The following TRPC4 variants were observed in gnomAD, a reference collection of about 807,000 sequenced individuals.
TRPC4 encodes the protein short transient receptor potential channel 4.
In TRPC4, 49 loss-of-function variants were observed where a neutral mutation model predicts 99.4. The observed-to-expected ratio is 0.49, with a 90% CI of 0.39 to 0.63. The LOEUF is 0.63. TRPC4 is among the 20% of genes least tolerant of loss of function. The probability of loss-of-function intolerance (pLI) is 0.00; values close to 1 mark genes in which losing one functional copy is unlikely to be tolerated. For missense variants in TRPC4, 898 were observed against 1,152.9 expected, an observed-to-expected ratio of 0.78 and a Z score of 3.20; for synonymous variants, 454 against 425.9, an observed-to-expected ratio of 1.07 and a Z score of -0.81.
intron 4 of TRPC4, among the ~76,000 whole-genome samples, chr13:37,687,803 C>T (rs1307059112): frequency 6.6e-6 from 1 of 152,100 alleles, no homozygotes; most frequent in East Asian, 1.9e-4. Flanking sequence ...ACTTTTTCTC[C>T]AGACACCCGA....
chr13:37,794,573 G>T (rs1173529396), intron 1 of TRPC4, among the ~76,000 whole-genome samples: 1 of 152,098 alleles, frequency 6.6e-6, no homozygotes. Flanking sequence ...ATAACCAGAT[G>T]GGTAGCTAAA....
intron 1 of TRPC4, among the ~76,000 whole-genome samples, chr13:37,788,176 G>A (rs1340669938): frequency 6.6e-6 from 1 of 152,064 alleles, no homozygotes; most frequent in Non-Finnish European, 1.5e-5. Context: ...TAATCTTGCT[G>A]TCTGAGCTTT....
At position 37,637,365 on chromosome 13, in the gene TRPC4, C is replaced by T. The variant is rs1593404418; in HGVS notation, c.2472G>A (p.Val824=). Residue 824 remains valine (V), a synonymous_variant, in exon 11 of 11, where the codon GTG becomes GTA. Transcript: ENST00000379705. ...RHNISNGSAL[V]VQEPPREKQR... ...GCTTCTCCCTGGGCGGCTCCTGAACCACCAGGGCAGAGCCATTGCTTATGT... is the reference window on the plus strand; with the variant it reads ...GCTTCTCCCTGGGCGGCTCCTGAACTACCAGGGCAGAGCCATTGCTTATGT... 7 of 1,613,722 alleles carry T rather than the reference C, an allele frequency of 4.3e-6. No individual in the cohort carries two copies. Among genetic ancestry groups the T allele is most frequent in the Non-Finnish European group, 5.9e-6 (7 of 1,179,880 alleles).
intron 3 of TRPC4, among the ~76,000 whole-genome samples, chr13:37,737,646 C>T (rs1924300): frequency 0.4 from 61,196 of 151,698 alleles, 13,179 homozygotes; most frequent in Non-Finnish European, 0.49. Context: ...GCTAAATTTT[C>T]TTTTCTTTGT....
chr13:37,869,220 T>C (rs1292460059), intron 1 of TRPC4, among the ~76,000 whole-genome samples: 2 of 151,792 alleles, frequency 1.3e-5, no homozygotes, highest in Admixed American at 6.6e-5. Flanking sequence ...CCCAAATGCA[T>C]AAAAGGCTAA....
chr13:37,773,668 C>T (rs549911166), intron 2 of TRPC4, among the ~76,000 whole-genome samples: 1 of 151,810 alleles, frequency 6.6e-6, no homozygotes, highest in East Asian at 2.0e-4. Flanking sequence ...AATGAAAGAA[C>T]TTACCACAAG....
At chr13:37,830,819 AT>A (rs1958401534) in intron 1 of TRPC4, among the ~76,000 whole-genome samples, 1 of 148,026 alleles carries the variant, frequency 6.8e-6, no homozygotes, top group African/African-American at 2.5e-5. Flanking sequence ...ATATATATAT[AT>A]AATATAATAG....
rs999340840 is a variant in TRPC4, at chr13:37,757,955, T to C, written c.379-11500A>G. Among the ~76,000 whole-genome samples the C allele has an allele frequency of 2.4e-4, 37 of 152,114 alleles. No homozygotes were observed. The South Asian group carries it at 2.5e-3, about 10-fold the overall frequency. On this transcript the variant is annotated intron_variant, in intron 2 of 10. Coordinates refer to ENST00000379705, the MANE Select transcript of TRPC4 (RefSeq NM_016179.4). ...GGAAATTTTCTAAAAAATAGCACTT[T>C]ATTTTACTGAGTCTCTTAGGTACAA...
rs1300633868 is a variant in TRPC4, at chr13:37,869,677, G to C, written c.-110C>G. ...TGCCGTGCGGGGTGAGAGCACGCCCGGCAAATTCCAATGGAATTCCCTTAG... is the reference window on the plus strand; with the variant it reads ...TGCCGTGCGGGGTGAGAGCACGCCCCGCAAATTCCAATGGAATTCCCTTAG... On this transcript the variant is annotated 5_prime_UTR_variant, in exon 1 of 11. Coordinates refer to ENST00000379705, the MANE Select transcript of TRPC4 (RefSeq NM_016179.4). The C allele has an allele frequency of 6.6e-6, 1 of 152,322 alleles. No individual in the cohort carries two copies. Among genetic ancestry groups the C allele is most frequent in the Non-Finnish European group, 1.5e-5 (1 of 68,150 alleles). The allele number at this position is 152,322 out of a possible 1,614,324, so 9.4% of individuals were successfully genotyped here.
chr13:37,763,188 A>G (rs1956270677), intron 2 of TRPC4, among the ~76,000 whole-genome samples: 1 of 151,620 alleles, frequency 6.6e-6, no homozygotes, highest in East Asian at 1.9e-4. Flanking sequence ...GAAAATTTGA[A>G]CTGTCTGACA....
At chr13:37,682,922 CTTTTTT>C (rs35740848) in intron 4 of TRPC4, among the ~76,000 whole-genome samples, 2 of 109,344 alleles carry the variant, frequency 1.8e-5, no homozygotes, top group African/African-American at 3.4e-5. Context: ...GCCCAGCTAT[CTTTTTT>C]TTTTTTTTTT....
rs562564830 is a variant in TRPC4, at chr13:37,766,555, T to C, written c.378+16401A>G. On this transcript the variant is annotated intron_variant, in intron 2 of 10. Coordinates refer to ENST00000379705, the MANE Select transcript of TRPC4 (RefSeq NM_016179.4). ...AATATATCCTGGTGAAAAAATGTGC[T>C]GGTCCAAAATGCTAGGATGGGAACT... 1.2e-4 allele frequency among the ~76,000 whole-genome samples: 18 copies of C among 151,540 alleles called. No individual in the cohort carries two copies. In the South Asian group the frequency reaches 1.7e-3, roughly 14 times the overall value.
Position 37,776,509 on chromosome 13 carries a change from ATATTGAGGCT to A in TRPC4, c.378+6437_378+6446del, listed in dbSNP as rs1956707365. Among the ~76,000 whole-genome samples the A allele has an allele frequency of 5.9e-5, 9 of 151,946 alleles. No individual in the cohort carries two copies. The South Asian group carries it at 1.0e-3, about 18-fold the overall frequency. ...TGTTACCTAAGTTATGGTTACACAT[ATATTGAGGCT>A]CACTTGAGGCTCACTTACTGTCAAT... is the stretch of plus-strand genomic sequence containing the variant. On this transcript the variant is annotated intron_variant, in intron 2 of 10. Coordinates refer to ENST00000379705, the MANE Select transcript of TRPC4 (RefSeq NM_016179.4).
At chr13:37,717,602 T>G (rs993750553) in intron 3 of TRPC4, among the ~76,000 whole-genome samples, 3 of 152,026 alleles carry the variant, frequency 2.0e-5, no homozygotes, top group African/African-American at 7.3e-5. Flanking sequence ...AAGAGGTAAT[T>G]AAGTTAAAAT....
At chr13:37,763,453 A>C (rs1956277775) in intron 2 of TRPC4, among the ~76,000 whole-genome samples, 1 of 151,612 alleles carries the variant, frequency 6.6e-6, no homozygotes. Context: ...GTTGAAGAAA[A>C]GATAGATAGA....
chr13:37,790,577 C>A (rs1317603956), intron 1 of TRPC4, among the ~76,000 whole-genome samples: 11 of 152,146 alleles, frequency 7.2e-5, no homozygotes, highest in African/African-American at 2.7e-4. Flanking sequence ...GCAAGCAGCT[C>A]CCTTATTAAA....
At position 37,674,101 on chromosome 13, in the gene TRPC4, C is replaced by T. The variant is rs953371919; in HGVS notation, c.1374+127G>A. 7.0e-6 allele frequency: 6 copies of T among 858,842 alleles called. No individual in the cohort carries two copies. The African/African-American group carries it at 7.1e-5, about 10-fold the overall frequency. 53.2% of individuals were successfully genotyped at this position (858,842 alleles called of 1,614,324 possible). A position where few individuals can be genotyped will look rare whatever the true frequency, so the allele number is the denominator to read the frequency against. ...ATCCCTATATATCTATCAATAAAAC[C>T]ATGAGCTGATGAATACGACATCCGG... On this transcript the variant is annotated intron_variant, in intron 5 of 10. Transcript: ENST00000379705.
chr13:37,806,965 A>G (rs939304429), intron 1 of TRPC4, among the ~76,000 whole-genome samples: 1 of 152,018 alleles, frequency 6.6e-6, no homozygotes, highest in Non-Finnish European at 1.5e-5. Context: ...TTTAATCTCT[A>G]TTCCCAGAGA....
intron 4 of TRPC4, among the ~76,000 whole-genome samples, chr13:37,685,492 A>G (rs1401394215): frequency 1.3e-5 from 2 of 152,178 alleles, no homozygotes; most frequent in African/African-American, 2.4e-5. Context: ...CGAACAAAAG[A>G]ATGCATTTAA....
Sources: allele counts gnomAD v4.1 joint callset (sites outside exome capture counted in the v4.1 genomes callset), GRCh38; gene constraint gnomAD v4.1.1; transcripts MANE v1.5; gene names NCBI Gene and HGNC (gene_info 2026-07-23, HGNC 2026-07-21).